Variants in SGO1 observed in about 807,000 individuals in gnomAD.
SGO1 encodes the protein shugoshin 1.
A neutral mutation model predicts 50.5 loss-of-function variants in SGO1; 39 were observed. That is an observed-to-expected ratio of 0.77 (90% CI 0.60 to 1.01). The LOEUF (loss-of-function observed/expected upper bound fraction) is 1.01, where lower values mean the gene tolerates loss of function less well. SGO1 is among the 50% of genes least tolerant of loss of function. The pLI, the probability that SGO1 is intolerant of heterozygous loss-of-function variation, is 0.00. For missense variants in SGO1, 638 were observed against 606.0 expected, an observed-to-expected ratio of 1.05 and a Z score of -0.55; for synonymous variants, 191 against 205.1, an observed-to-expected ratio of 0.93 and a Z score of 0.59.
chr3:20,161,943 G>C (rs1700061871), intron 8 of SGO1, among the ~76,000 whole-genome samples: 1 of 152,168 alleles, frequency 6.6e-6, no homozygotes, highest in Non-Finnish European at 1.5e-5. Context: ...TAATTCCAGA[G>C]AGAAGGAAAA....
chr3:20,164,653 A>G (rs180795188), downstream of SGO1, among the ~76,000 whole-genome samples: 204 of 152,090 alleles, frequency 1.3e-3, 1 homozygote, highest in Non-Finnish European at 1.3e-4. Flanking sequence ...GCAGACTTTA[A>G]TTAAGATCAT....
intron 1 of SGO1, 27 bp downstream of exon 1, chr3:20,185,921 A>T (rs1702615144): frequency 6.6e-6 from 1 of 152,202 alleles, no homozygotes; most frequent in African/African-American, 2.4e-5. Flanking sequence ...GAAGTCAAAC[A>T]GGGATCACTA....
At chr3:20,164,256 T>C (rs1430580041) in intron 8 of SGO1, among the ~76,000 whole-genome samples, 1 of 152,170 alleles carries the variant, frequency 6.6e-6, no homozygotes, top group East Asian at 1.9e-4. Context: ...ATTTATCCCA[T>C]TAACTCAAGG....
chr3:20,180,921 G>A (rs1701945111), intron 3 of SGO1, among the ~76,000 whole-genome samples: 1 of 152,188 alleles, frequency 6.6e-6, no homozygotes, highest in Admixed American at 6.5e-5. Context: ...GATACCAGGA[G>A]CTCAAGACCA....
chr3:20,181,236 G>C (rs943859505), intron 3 of SGO1, among the ~76,000 whole-genome samples: 1 of 152,030 alleles, frequency 6.6e-6, no homozygotes, highest in Non-Finnish European at 1.5e-5. Flanking sequence ...ATTAATGCAG[G>C]TAAATAAAAA....
chr3:20,177,853 G>A (rs1701575700), intron 4 of SGO1, among the ~76,000 whole-genome samples: 1 of 151,210 alleles, frequency 6.6e-6, no homozygotes, highest in Non-Finnish European at 1.5e-5. Flanking sequence ...GCGAGACAAT[G>A]GGACAACTGT....
chr3:20,170,661 G>T lies in SGO1; in HGVS notation c.*43C>A. 1 of 1,515,658 alleles carries T rather than the reference G, an allele frequency of 6.6e-7. No individual in the cohort carries two copies. The highest frequency in any genetic ancestry group is 2.4e-5 in the East Asian group (1 of 42,158). 93.9% of individuals were successfully genotyped at this position (1,515,658 alleles called of 1,614,324 possible). A position where few individuals can be genotyped will look rare whatever the true frequency, so the allele number is the denominator to read the frequency against. On this transcript the variant is annotated 3_prime_UTR_variant, in exon 8 of 8. Coordinates refer to ENST00000412997, the MANE Select transcript of SGO1 (RefSeq NM_001199251.3). ...TTACAGATCCTCTCCTGAAGCAACA[G>T]AAAGAGGTGTAGATTGAATTTAAAC...
intron 8 of SGO1, among the ~76,000 whole-genome samples, chr3:20,164,070 C>T (rs1409207467): frequency 6.6e-6 from 1 of 152,160 alleles, no homozygotes; most frequent in Non-Finnish European, 1.5e-5. Context: ...GACTTGTGAA[C>T]CCCTTTTATG....
chr3:20,182,523 C>T (rs1702139006), intron 3 of SGO1, among the ~76,000 whole-genome samples: 1 of 152,036 alleles, frequency 6.6e-6, no homozygotes, highest in Non-Finnish European at 1.5e-5. Context: ...GCAGTGGCTA[C>T]TGGAAAAAGG....
At chr3:20,171,017 T>G in intron 7 of SGO1, 26 bp downstream of exon 7, 1 of 1,553,448 alleles carries the variant, frequency 6.4e-7, no homozygotes, top group Non-Finnish European at 8.6e-7. Flanking sequence ...TCATTAAAAA[T>G]AAGTTCCCAC....
At chr3:20,165,430 A>C (rs1230282551), downstream of SGO1, among the ~76,000 whole-genome samples, 1 of 152,240 alleles carries the variant, frequency 6.6e-6, no homozygotes, top group Non-Finnish European at 1.5e-5. Context: ...TAAAGCAAAA[A>C]AAATCAATAA....
At chr3:20,168,743 C>T (rs1001386864), downstream of SGO1, among the ~76,000 whole-genome samples, 7 of 151,308 alleles carry the variant, frequency 4.6e-5, no homozygotes, top group South Asian at 4.2e-4. Context: ...CCCGGGTTCA[C>T]GCCGTTCTCC....
chr3:20,161,066 G>A (rs778060438), exon 9 of SGO1: 2 of 1,612,638 alleles, frequency 1.2e-6, no homozygotes, highest in Non-Finnish European at 1.7e-6. Context: ...TGAATGCATG[G>A]ACTAAAAAAG....
Position 20,171,142 on chromosome 3 carries a change from A to G in SGO1, c.1373T>C (p.Leu458Pro). The G allele has an allele frequency of 1.2e-6, 2 of 1,613,342 alleles. No individual in the cohort carries two copies. The highest frequency in any genetic ancestry group is 1.7e-6 in the Non-Finnish European group (2 of 1,179,732). Residue 458 changes from leucine to proline, a missense_variant, in exon 7 of 8, where the codon CTT becomes CCT. Coordinates refer to ENST00000412997, the MANE Select transcript of SGO1 (RefSeq NM_001199251.3). ...TTTATTCTTTTTTGGAGAAAGAGAA[A>G]GTCTTCTGATTTTCACAACAGGATA... ...SLYPVVKIRR[L>P]SLSPKKNKAS...
At chr3:20,166,842 CAAAAAAAAAA>C (rs58288144), downstream of SGO1, among the ~76,000 whole-genome samples, 18 of 42,754 alleles carry the variant, frequency 4.2e-4, no homozygotes, top group Middle Eastern at 0.017. Context: ...CCATCTCTAC[CAAAAAAAAAA>C]AAAAAAAAAA....
At chr3:20,183,552 A>T in intron 3 of SGO1, 56 bp downstream of exon 3, 1 of 1,347,800 alleles carries the variant, frequency 7.4e-7, no homozygotes, top group Non-Finnish European at 1.0e-6. Context: ...ATTGATCTAA[A>T]CTACTTATTC....
At chr3:20,182,128 C>T (rs998569812) in intron 3 of SGO1, among the ~76,000 whole-genome samples, 1 of 151,502 alleles carries the variant, frequency 6.6e-6, no homozygotes, top group East Asian at 1.9e-4. Flanking sequence ...GTGAAGAAAA[C>T]ATATCTAATC....
At chr3:20,185,905 C>T (rs1206776553) in intron 1 of SGO1, 43 bp downstream of exon 1, 1 of 152,122 alleles carries the variant, frequency 6.6e-6, no homozygotes, top group South Asian at 2.1e-4. Flanking sequence ...TACTGAAAAC[C>T]GAAGGGAAGT....
intron 3 of SGO1, among the ~76,000 whole-genome samples, chr3:20,183,044 A>G (rs1702209509): frequency 6.6e-6 from 1 of 152,134 alleles, no homozygotes; most frequent in African/African-American, 2.4e-5. Flanking sequence ...TTGAGCAGCA[A>G]ATGTTTATGA....
Sources: gnomAD v4.1 joint callset for allele counts (sites outside exome capture counted in the v4.1 genomes callset) on GRCh38, gnomAD v4.1.1 for gene constraint, MANE v1.5 for transcripts, NCBI Gene and HGNC (gene_info 2026-07-23, HGNC 2026-07-21) for gene names.